The following MAML2 variants were observed in gnomAD, a reference collection of about 807,000 sequenced individuals.
MAML2 encodes mastermind like transcriptional coactivator 2.
Under a neutral mutation model 96.1 loss-of-function variants are expected in MAML2, and 22 were observed. That is an observed-to-expected ratio of 0.23 (90% CI 0.16 to 0.33). The LOEUF (loss-of-function observed/expected upper bound fraction) is 0.33. Ranked by LOEUF, MAML2 falls within the 10% of genes least tolerant of loss-of-function variation. The probability of loss-of-function intolerance (pLI) is 1.00; values close to 1 mark genes in which losing one functional copy is unlikely to be tolerated. For synonymous variants in MAML2, 561 were observed against 521.3 expected, an observed-to-expected ratio of 1.08 and a Z score of -1.04; for missense variants, 1,367 against 1,392.4, an observed-to-expected ratio of 0.98 and a Z score of 0.29.
At position 96,074,042 on chromosome 11, in the gene MAML2, A is replaced by AT. The variant is rs58344106; in HGVS notation, c.2139+17849dup. 9.9e-3 allele frequency among the ~76,000 whole-genome samples: 1,514 copies of AT among 152,216 alleles called. 23 individuals are homozygous for AT. Among genetic ancestry groups the AT allele is most frequent in the South Asian group, 0.037 (180 of 4,820 alleles). On this transcript the variant is annotated intron_variant, in intron 2 of 4. Coordinates refer to ENST00000524717, the MANE Select transcript of MAML2 (RefSeq NM_032427.4). ...TCTCAATGCTTTCAGGCTAAAAAAT[A>AT]TTTTTTTTCATGAAAGATGGTAATA...
At chr11:96,046,437 A>T (rs1207755475) in intron 2 of MAML2, among the ~76,000 whole-genome samples, 1 of 152,126 alleles carries the variant, frequency 6.6e-6, no homozygotes, top group African/African-American at 2.4e-5. Flanking sequence ...TATGAATGGT[A>T]GACTACCTCT....
intron 1 of MAML2, among the ~76,000 whole-genome samples, chr11:96,212,910 T>C (rs1861992044): frequency 6.6e-6 from 1 of 152,192 alleles, no homozygotes; most frequent in South Asian, 2.1e-4. Flanking sequence ...TCAAAAATTA[T>C]TGATGAATGA....
intron 1 of MAML2, among the ~76,000 whole-genome samples, chr11:96,307,379 G>A (rs1170467342): frequency 6.6e-6 from 1 of 152,186 alleles, no homozygotes; most frequent in Non-Finnish European, 1.5e-5. Flanking sequence ...AAGGAAGAGT[G>A]AGAGGCTGTA....
intron 2 of MAML2, among the ~76,000 whole-genome samples, chr11:96,069,534 C>T (rs912014082): frequency 5.9e-5 from 9 of 151,836 alleles, no homozygotes; most frequent in South Asian, 2.1e-4. Flanking sequence ...AAAAATTAGC[C>T]GGGCGTGGCA....
intron 1 of MAML2, among the ~76,000 whole-genome samples, chr11:96,191,022 C>T (rs577840211): frequency 1.3e-5 from 2 of 152,076 alleles, no homozygotes; most frequent in Admixed American, 1.3e-4. Flanking sequence ...TTGTGTACCC[C>T]CTTTTAGAAG....
intron 1 of MAML2, among the ~76,000 whole-genome samples, chr11:96,266,643 TCTAA>T (rs1436589245): frequency 6.6e-6 from 1 of 152,144 alleles, no homozygotes; most frequent in Non-Finnish European, 1.5e-5. Context: ...TGACTACCTC[TCTAA>T]CTGATTAACT....
rs955772142 is a variant in MAML2, at chr11:96,077,421, A to T, written c.2139+14471T>A. ...TTTTTGGTAGAGACAGGGTTTCACT[A>T]TGTTGGCCAGGCTGGTCTTGAACTC... On this transcript the variant is annotated intron_variant, in intron 2 of 4. Transcript: ENST00000524717. 5.3e-5 allele frequency among the ~76,000 whole-genome samples: 8 copies of T among 151,852 alleles called. No homozygotes were observed. In the South Asian group the frequency reaches 1.2e-3, roughly 24 times the overall value.
intron 1 of MAML2, among the ~76,000 whole-genome samples, chr11:96,180,628 C>G (rs1861468833): frequency 6.6e-6 from 1 of 152,160 alleles, no homozygotes. Flanking sequence ...GGGAGCCAAT[C>G]TGGACTGACT....
chr11:96,103,384 A>G (rs1859966401), intron 1 of MAML2, among the ~76,000 whole-genome samples: 1 of 152,158 alleles, frequency 6.6e-6, no homozygotes, highest in African/African-American at 2.4e-5. Flanking sequence ...GCCATGAACC[A>G]TGCCCCCTTT....
intron 1 of MAML2, among the ~76,000 whole-genome samples, chr11:96,127,005 TCATCA>T: frequency 6.6e-6 from 1 of 152,200 alleles, no homozygotes; most frequent in South Asian, 2.1e-4. Context: ...GAACACAGTC[TCATCA>T]CTTGTTGACC....
chr11:96,057,817 A>G (rs1317750761), intron 2 of MAML2, among the ~76,000 whole-genome samples: 2 of 152,208 alleles, frequency 1.3e-5, no homozygotes, highest in Non-Finnish European at 2.9e-5. Flanking sequence ...ACCAAACACA[A>G]TTTAATCTTT....
chr11:96,299,987 A>C (rs534442501), intron 1 of MAML2, among the ~76,000 whole-genome samples: 1 of 152,316 alleles, frequency 6.6e-6, no homozygotes, highest in African/African-American at 2.4e-5. Flanking sequence ...GAAAGCAGGA[A>C]CCAAAGTTAA....
At chr11:96,291,253 G>C (rs1045679661) in intron 1 of MAML2, among the ~76,000 whole-genome samples, 2 of 150,490 alleles carry the variant, frequency 1.3e-5, no homozygotes, top group Admixed American at 6.7e-5. Context: ...AGCCTCCTGA[G>C]TAGCTGGGAC....
chr11:96,044,837 G>C (rs1858870823), intron 2 of MAML2, among the ~76,000 whole-genome samples: 1 of 152,170 alleles, frequency 6.6e-6, no homozygotes, highest in Admixed American at 6.5e-5. Context: ...TTGAAGATGA[G>C]GTATTTTTGT....
At chr11:96,064,762 G>T (rs185305606) in intron 2 of MAML2, among the ~76,000 whole-genome samples, 1 of 152,172 alleles carries the variant, frequency 6.6e-6, no homozygotes, top group Non-Finnish European at 1.5e-5. Flanking sequence ...TAGCGTGTGA[G>T]GGTGAAAGGA....
intron 1 of MAML2, among the ~76,000 whole-genome samples, chr11:96,324,324 T>C (rs1233184153): frequency 1.3e-5 from 2 of 152,214 alleles, no homozygotes; most frequent in Non-Finnish European, 2.9e-5. Context: ...TGCAAAGATA[T>C]GTTAACATTC....
chr11:96,116,517 G>C (rs746956578), intron 1 of MAML2, among the ~76,000 whole-genome samples: 34 of 152,332 alleles, frequency 2.2e-4, no homozygotes, highest in Non-Finnish European at 4.3e-4. Context: ...AACATGGCAA[G>C]TAGGAGGTCC....
At chr11:96,181,645 A>G (rs188370436) in intron 1 of MAML2, among the ~76,000 whole-genome samples, 2 of 152,320 alleles carry the variant, frequency 1.3e-5, no homozygotes. Context: ...AGCTGACATC[A>G]TATAGAAGAA....
At position 96,093,285 on chromosome 11, in the gene MAML2, T is replaced by C. The variant is rs761165094; in HGVS notation, c.746A>G (p.His249Arg). The C allele has an allele frequency of 4.3e-6, 7 of 1,614,020 alleles. No homozygotes were observed. Among genetic ancestry groups the C allele is most frequent in the Non-Finnish European group, 5.1e-6 (6 of 1,179,890 alleles). The change falls in exon 2 of 5, where the codon CAT (histidine) becomes CGT (arginine). Residue 249 changes from histidine to arginine, a missense_variant. Physicochemically the swap from His to Arg is conservative, Grantham distance 29 (BLOSUM62 0). Transcript: ENST00000524717. Reference protein sequence around the residue: ...PLRKTNTLPSHTHSPGNGLFN... With the variant: ...PLRKTNTLPSRTHSPGNGLFN... The stretch of plus-strand genomic sequence containing the variant: ...CAGGCCATTGCCAGGAGAATGTGTA[T>C]GGGATGGCAGAGTGTTAGTCTTTCG...
Sources: gnomAD v4.1 joint callset for allele counts (sites outside exome capture counted in the v4.1 genomes callset) on GRCh38, gnomAD v4.1.1 for gene constraint, MANE v1.5 for transcripts, NCBI Gene and HGNC (gene_info 2026-07-23, HGNC 2026-07-21) for gene names.